The following NAV3 variants were observed in gnomAD, a reference collection of about 807,000 sequenced individuals.
NAV3 encodes neuron navigator 3.
A neutral mutation model predicts 244.7 loss-of-function variants in NAV3; 87 were observed. The observed-to-expected ratio is 0.36, with a 90% CI of 0.30 to 0.42. The LOEUF (loss-of-function observed/expected upper bound fraction) is 0.42, where lower values mean the gene tolerates loss of function less well. NAV3 is among the 20% of genes least tolerant of loss of function. The pLI, the probability that NAV3 is intolerant of heterozygous loss-of-function variation, is 1.00. For synonymous variants in NAV3, 1,126 were observed against 1,042.2 expected (o/e 1.08, Z -1.55); for missense variants, 2,663 against 2,893.3 (o/e 0.92, Z 1.83).
intron 9 of NAV3, among the ~76,000 whole-genome samples, chr12:78,032,381 G>A (rs10859851): frequency 0.19 from 29,168 of 152,054 alleles, 3,001 homozygotes; most frequent in Middle Eastern, 0.25. Flanking sequence ...AGTTTAAAAA[G>A]GTAATAAATT....
At chr12:78,143,514 C>T in intron 20 of NAV3, 1 of 292,344 alleles carries the variant, frequency 3.4e-6, no homozygotes, top group South Asian at 2.5e-5. Context: ...GTCTGTAATC[C>T]CAGCTATTTG....
rs1420031083 is a variant in NAV3, at chr12:78,205,231, C to T, written c.7038+93C>T. 6.2e-6 allele frequency: 8 copies of T among 1,292,954 alleles called. No homozygotes were observed. The Admixed American group carries it at 1.7e-4, about 27-fold the overall frequency. 80.1% of individuals were successfully genotyped at this position (1,292,954 alleles called of 1,614,324 possible). ...TATTTCTAGCGAAGACATTTGTTAT[C>T]CTAAGCAACATTTGGAACAGTTTTA... On this transcript the variant is annotated intron_variant, in intron 39 of 39. Coordinates refer to ENST00000397909, the MANE Select transcript of NAV3 (RefSeq NM_001024383.2).
chr12:77,818,583 T>C (rs1264807315), intron 2 of NAV3, among the ~76,000 whole-genome samples: 1 of 152,100 alleles, frequency 6.6e-6, no homozygotes, highest in Non-Finnish European at 1.5e-5. Context: ...GGGTATGTGA[T>C]TGCTAACATA....
At chr12:77,597,009 A>G (rs1261887486) in intron 2 of NAV3, among the ~76,000 whole-genome samples, 2 of 152,154 alleles carry the variant, frequency 1.3e-5, no homozygotes, top group Non-Finnish European at 2.9e-5. Flanking sequence ...ATCCTTTGCC[A>G]AGCCAAGAGA....
At chr12:77,714,395 C>T (rs1488409944) in intron 2 of NAV3, among the ~76,000 whole-genome samples, 1 of 152,062 alleles carries the variant, frequency 6.6e-6, no homozygotes, top group Non-Finnish European at 1.5e-5. Flanking sequence ...GTGCTGAGCC[C>T]TGTACAGAAT....
chr12:78,207,781 A>C (rs2140113977), intron 39 of NAV3, among the ~76,000 whole-genome samples: 1 of 152,280 alleles, frequency 6.6e-6, no homozygotes, highest in South Asian at 2.1e-4. Flanking sequence ...GGAAGTTAAA[A>C]CGTTATCACA....
At chr12:77,899,969 G>A (rs1885074428) in intron 1 of NAV3, among the ~76,000 whole-genome samples, 1 of 152,088 alleles carries the variant, frequency 6.6e-6, no homozygotes, top group African/African-American at 2.4e-5. Flanking sequence ...GGGCACCAAT[G>A]ATCCTGTCCC....
intron 2 of NAV3, among the ~76,000 whole-genome samples, chr12:77,798,069 G>A (rs1871516310): frequency 6.6e-6 from 1 of 151,906 alleles, no homozygotes; most frequent in African/African-American, 2.4e-5. Context: ...AGCTGAGGCA[G>A]GAGAATTGCT....
chr12:77,644,030 C>G (rs1030666991), intron 2 of NAV3, among the ~76,000 whole-genome samples: 1 of 152,088 alleles, frequency 6.6e-6, no homozygotes, highest in African/African-American at 2.4e-5. Flanking sequence ...TACATAAACA[C>G]ATGTGTAGAC....
chr12:77,923,577 C>A (rs370913984), intron 1 of NAV3, among the ~76,000 whole-genome samples: 9 of 152,168 alleles, frequency 5.9e-5, no homozygotes, highest in African/African-American at 2.2e-4. Context: ...ACTGTATATA[C>A]CTCAAATGAG....
intron 1 of NAV3, among the ~76,000 whole-genome samples, chr12:77,934,267 A>G (rs1459780226): frequency 6.6e-6 from 1 of 152,122 alleles, no homozygotes; most frequent in Non-Finnish European, 1.5e-5. Flanking sequence ...AACTTGACTT[A>G]TTTTAACCTA....
chr12:77,841,355 G>A (rs1875613970), intron 1 of NAV3, among the ~76,000 whole-genome samples: 1 of 152,140 alleles, frequency 6.6e-6, no homozygotes, highest in African/African-American at 2.4e-5. Flanking sequence ...CTGTAAAACT[G>A]AAAACCTGGA....
chr12:78,067,758 T>G (rs541362400), intron 12 of NAV3, among the ~76,000 whole-genome samples: 25 of 152,248 alleles, frequency 1.6e-4, no homozygotes, highest in Non-Finnish European at 3.5e-4. Flanking sequence ...ATTGTAGCTC[T>G]AAATGCTATT....
rs79920957 is a variant in NAV3, at chr12:78,128,982, A to C, written c.4441+116A>C. The C allele has an allele frequency of 1.1e-3, 951 of 896,480 alleles. 10 individuals are homozygous for C. In the East Asian group the frequency reaches 0.021, roughly 19 times the overall value. The allele number at this position is 896,480 out of a possible 1,614,324, so 55.5% of individuals were successfully genotyped here. On this transcript the variant is annotated intron_variant, in intron 18 of 39. Transcript: ENST00000397909. Reference sequence around the variant, plus strand: ...TTCATTTAAAGGGAGGGATAAAAGCACTTTAACAGTACCTTTCATTTGTGT... The same window carrying C: ...TTCATTTAAAGGGAGGGATAAAAGCCCTTTAACAGTACCTTTCATTTGTGT...
chr12:77,645,488 G>T (rs997034504), intron 2 of NAV3, among the ~76,000 whole-genome samples: 3 of 137,070 alleles, frequency 2.2e-5, no homozygotes, highest in African/African-American at 8.3e-5. Context: ...TAGGCAGTTT[G>T]AGCATTTAAG....
At chr12:77,668,080 G>C (rs1316739310) in intron 2 of NAV3, among the ~76,000 whole-genome samples, 1 of 152,168 alleles carries the variant, frequency 6.6e-6, no homozygotes, top group Non-Finnish European at 1.5e-5. Context: ...CCTATTTCTA[G>C]GGGAAAGGGG....
At chr12:78,203,002 G>T (rs1183329095) in intron 38 of NAV3, among the ~76,000 whole-genome samples, 4 of 152,088 alleles carry the variant, frequency 2.6e-5, no homozygotes, top group Non-Finnish European at 2.9e-5. Flanking sequence ...GATGAAGGCG[G>T]ATTTTTTTGG....
Position 78,050,768 on chromosome 12 carries a change from C to G in NAV3, c.2137C>G (p.Leu713Val), listed in dbSNP as rs371271292. The G allele has an allele frequency of 6.3e-6, 10 of 1,592,470 alleles. No individual in the cohort carries two copies. The African/African-American group carries it at 1.2e-4, about 19-fold the overall frequency. ...LRGTQISHST[L>V]ETTFDSTVTT... The stretch of plus-strand genomic sequence containing the variant: ...TTTCTCCATTTTATTTGACAGCACC[C>G]TGGAGACAACATTTGACAGCACTGT... Residue 713 changes from leucine (L) to valine (V), a missense_variant, in exon 11 of 40, where the codon CTG (leucine) becomes GTG (valine). Physicochemically the swap from Leu to Val is conservative, Grantham distance 32. This residue lies in a region of NAV3 where 1,521 missense variants were observed against 1,497.0 expected (regional missense o/e 1.02). Coordinates refer to ENST00000397909, the MANE Select transcript of NAV3 (RefSeq NM_001024383.2).
At chr12:77,819,959 C>G (rs1040921178) in intron 2 of NAV3, among the ~76,000 whole-genome samples, 1 of 152,026 alleles carries the variant, frequency 6.6e-6, no homozygotes, top group African/African-American at 2.4e-5. Flanking sequence ...TGAAAAGGAA[C>G]TCTTGAGACT....
Sources: allele counts gnomAD v4.1 joint callset (sites outside exome capture counted in the v4.1 genomes callset), GRCh38; gene constraint gnomAD v4.1.1; regional missense constraint gnomAD v4.1.1; transcripts MANE v1.5; gene names NCBI Gene and HGNC (gene_info 2026-07-23, HGNC 2026-07-21).